Variants in TTC27 observed in about 807,000 individuals in gnomAD.
TTC27 encodes the protein tetratricopeptide repeat domain 27.
Under a neutral mutation model 115.9 loss-of-function variants are expected in TTC27, and 79 were observed. The ratio of observed to expected loss-of-function variants is 0.68; its 90% confidence interval spans 0.57 to 0.82. The LOEUF is 0.82. Ranked by LOEUF, TTC27 falls within the 40% of genes least tolerant of loss-of-function variation. The pLI is 0.00. For synonymous variants in TTC27, 401 were observed against 356.0 expected (o/e 1.13, Z -1.42); for missense variants, 1,054 against 993.1 (o/e 1.06, Z -0.82).
intron 12 of TTC27, among the ~76,000 whole-genome samples, chr2:32,738,760 T>A (rs1668530371): frequency 6.6e-6 from 1 of 152,218 alleles, no homozygotes; most frequent in African/African-American, 2.4e-5. Context: ...ACATTTGCCA[T>A]CAGATAAATC....
intron 5 of TTC27, among the ~76,000 whole-genome samples, chr2:32,660,290 G>A (rs1197169562): frequency 6.6e-6 from 1 of 151,998 alleles, no homozygotes; most frequent in African/African-American, 2.4e-5. Context: ...TTTTTCATAT[G>A]TTTATTGGCT....
At position 32,650,115 on chromosome 2, in the gene TTC27, T is replaced by A; in HGVS notation, c.538-16T>A. The A allele has an allele frequency of 6.2e-7, 1 of 1,600,120 alleles. No homozygotes were observed. Among genetic ancestry groups the A allele is most frequent in the Admixed American group, 1.7e-5 (1 of 59,226 alleles). Reference sequence around the variant, plus strand: ...AAGTATCCTTTTATTTCAGCTTACGTGGTGTTTTTTCCTAGAGCTTGCCAT... The same window carrying A: ...AAGTATCCTTTTATTTCAGCTTACGAGGTGTTTTTTCCTAGAGCTTGCCAT... On this transcript the variant is annotated splice_polypyrimidine_tract_variant and intron_variant, in intron 4 of 19. Coordinates refer to ENST00000317907, the MANE Select transcript of TTC27 (RefSeq NM_017735.5).
At chr2:32,709,619 T>C (rs1019156396) in intron 10 of TTC27, among the ~76,000 whole-genome samples, 1 of 152,144 alleles carries the variant, frequency 6.6e-6, no homozygotes, top group African/African-American at 2.4e-5. Flanking sequence ...CACTTGGCTG[T>C]CTCCTTGGGC....
At chr2:32,806,585 C>T (rs1671135418) in intron 16 of TTC27, among the ~76,000 whole-genome samples, 1 of 152,070 alleles carries the variant, frequency 6.6e-6, no homozygotes, top group Non-Finnish European at 1.5e-5. Flanking sequence ...TCGAGACCAT[C>T]CTGGCTAACA....
intron 6 of TTC27, among the ~76,000 whole-genome samples, chr2:32,664,872 G>A (rs540582806): frequency 2.7e-5 from 4 of 147,740 alleles, no homozygotes; most frequent in South Asian, 2.1e-4. Flanking sequence ...TCGCTCTGTC[G>A]CCCAGGCTGG....
In TTC27 at chr2:32,678,128, G is replaced by A. The variant is rs1264082631; in HGVS notation, c.1053-728G>A. ...AAATTAGCTGGGAATGGTGGCGTAC[G>A]CCTGTAGTCCCAGTTACTCAGGAGG... is the stretch of plus-strand genomic sequence containing the variant. On this transcript the variant is annotated intron_variant, in intron 8 of 19. Transcript: ENST00000317907. Among the ~76,000 whole-genome samples the A allele has an allele frequency of 6.6e-5, 10 of 151,928 alleles. No homozygotes were observed. In the South Asian group the frequency reaches 1.2e-3, roughly 19 times the overall value.
chr2:32,644,587 TTTTC>T (rs1559184505), intron 4 of TTC27, among the ~76,000 whole-genome samples: 1 of 151,888 alleles, frequency 6.6e-6, no homozygotes, highest in Non-Finnish European at 1.5e-5. Context: ...AATTTTGCCT[TTTTC>T]TTTTTCTTTT....
chr2:32,654,913 G>C (rs143427191), intron 5 of TTC27, among the ~76,000 whole-genome samples: 2,501 of 150,642 alleles, frequency 0.017, 28 homozygotes, highest in Middle Eastern at 0.031. Flanking sequence ...CTAGGCTGGT[G>C]TCCAACTCCT....
intron 10 of TTC27, among the ~76,000 whole-genome samples, chr2:32,728,077 G>C (rs1295300676): frequency 7.6e-6 from 1 of 131,168 alleles, no homozygotes; most frequent in Non-Finnish European, 1.5e-5. Flanking sequence ...GAGTCTCGCT[G>C]TCGCCCAGGC....
At chr2:32,817,697 T>C in intron 19 of TTC27, 140 bp downstream of exon 19, 1 of 743,044 alleles carries the variant, frequency 1.3e-6, no homozygotes. Context: ...CCCTCATGGT[T>C]GGTTGTGTTG....
Position 32,758,387 on chromosome 2 carries a change from C to T in TTC27, c.1548C>T (p.Asp516=), listed in dbSNP as rs1669313747. 1.9e-6 allele frequency: 3 copies of T among 1,614,222 alleles called. No homozygotes were observed. In the East Asian group the frequency reaches 6.7e-5, roughly 36 times the overall value. ...GDVLGDHSCY[D]KAWELSRYRS... ...TCCTCGGAGACCATTCTTGCTATGACAAGGCCTGGGAGTTGTCCCGGTACC... is the reference window on the plus strand; with the variant it reads ...TCCTCGGAGACCATTCTTGCTATGATAAGGCCTGGGAGTTGTCCCGGTACC... Residue 516 remains aspartate (D), a synonymous_variant, in exon 13 of 20, where the codon GAC becomes GAT. Coordinates refer to ENST00000317907, the MANE Select transcript of TTC27 (RefSeq NM_017735.5).
intron 16 of TTC27, among the ~76,000 whole-genome samples, chr2:32,809,272 T>C (rs921256327): frequency 2.0e-5 from 3 of 152,232 alleles, no homozygotes; most frequent in South Asian, 2.1e-4. Context: ...GAAAGAGTTG[T>C]ATTCATTCAG....
rs1236994626 is a variant in TTC27, at chr2:32,777,741, C to G, written c.1681-141C>G. The G allele has an allele frequency of 4.0e-6, 3 of 743,788 alleles. No individual in the cohort carries two copies. The East Asian group carries it at 8.3e-5, about 21-fold the overall frequency. The allele number at this position is 743,788 out of a possible 1,614,324, so 46.1% of individuals were successfully genotyped here. ...CATTGCTAAATATTCTACATTTAAACTAAATGTAAGGCAAATATTTATTAT... is the reference window on the plus strand; with the variant it reads ...CATTGCTAAATATTCTACATTTAAAGTAAATGTAAGGCAAATATTTATTAT... On this transcript the variant is annotated intron_variant, in intron 13 of 19. Coordinates refer to ENST00000317907, the MANE Select transcript of TTC27 (RefSeq NM_017735.5).
chr2:32,729,618 A>T (rs541606449), intron 10 of TTC27, among the ~76,000 whole-genome samples: 2 of 152,130 alleles, frequency 1.3e-5, no homozygotes, highest in Non-Finnish European at 2.9e-5. Flanking sequence ...AAACAGTCTC[A>T]TATCACAGTA....
chr2:32,796,123 A>G (rs1008017359), intron 16 of TTC27, among the ~76,000 whole-genome samples: 1 of 152,228 alleles, frequency 6.6e-6, no homozygotes, highest in Non-Finnish European at 1.5e-5. Flanking sequence ...CAGGATGCAA[A>G]GTCAGCACAC....
At chr2:32,688,811 A>G (rs1280301743) in intron 9 of TTC27, among the ~76,000 whole-genome samples, 1 of 152,166 alleles carries the variant, frequency 6.6e-6, no homozygotes, top group Non-Finnish European at 1.5e-5. Flanking sequence ...ACTGCTTTGG[A>G]ACACAGGTTG....
chr2:32,746,316 CTT>C (rs1168290767), intron 12 of TTC27, among the ~76,000 whole-genome samples: 4 of 151,902 alleles, frequency 2.6e-5, no homozygotes, highest in African/African-American at 9.7e-5. Context: ...AATCCCAACA[CTT>C]TGAGAGGCCG....
intron 16 of TTC27, among the ~76,000 whole-genome samples, chr2:32,800,297 C>G (rs1390850874): frequency 1.3e-5 from 2 of 152,000 alleles, no homozygotes; most frequent in African/African-American, 4.8e-5. Flanking sequence ...AAGTGATTCT[C>G]CTGCCTCAGC....
At chr2:32,678,527 A>T (rs2151887956) in intron 8 of TTC27, among the ~76,000 whole-genome samples, 1 of 152,050 alleles carries the variant, frequency 6.6e-6, no homozygotes. Context: ...TCCCGGGTTC[A>T]CGCCATTCTC....
Sources: allele counts gnomAD v4.1 joint callset (sites outside exome capture counted in the v4.1 genomes callset), GRCh38; gene constraint gnomAD v4.1.1; transcripts MANE v1.5; gene names NCBI Gene and HGNC (gene_info 2026-07-23, HGNC 2026-07-21).